RPUSD1: variants seen among roughly 807,000 people sequenced by gnomAD.
RPUSD1 encodes RNA pseudouridine synthase domain containing 1.
Under a neutral mutation model 22.4 loss-of-function variants are expected in RPUSD1, and 28 were observed. The ratio of observed to expected loss-of-function variants is 1.25; its 90% CI spans 0.93 to 1.72. The LOEUF is 1.72. Ranked by LOEUF, RPUSD1 falls within the 40% of genes most tolerant of loss-of-function variation. RPUSD1 has a pLI of 0.00. For synonymous variants in RPUSD1, 298 were observed against 201.0 expected (o/e 1.48, Z -4.08); for missense variants, 596 against 442.2 (o/e 1.35, Z -3.12).
chr16:788,175 C>A (rs982704472), intron 1 of RPUSD1, 81 bp downstream of exon 1: 3 of 421,046 alleles, frequency 7.1e-6, no homozygotes, highest in African/African-American at 2.2e-5. Flanking sequence ...TCCGCGCAGA[C>A]CCGCGCCCCG....
chr16:788,098 T>G, intron 1 of RPUSD1, 158 bp downstream of exon 1: 3 of 470,062 alleles, frequency 6.4e-6, no homozygotes, highest in East Asian at 6.2e-5. Flanking sequence ...GCTGCAGCAC[T>G]ACCAGGCCCG....
At chr16:787,221 C>T (rs756858562) in intron 3 of RPUSD1, 42 bp from the exon 4 acceptor site, 7 of 1,567,164 alleles carry the variant, frequency 4.5e-6, no homozygotes, top group Admixed American at 3.6e-5. Context: ...CGGGGCAGCC[C>T]AGTGCTGCCG....
intron 5 of RPUSD1, 76 bp downstream of exon 5, chr16:786,751 C>T (rs763153233): frequency 8.2e-7 from 1 of 1,224,526 alleles, no homozygotes; most frequent in Non-Finnish European, 1.2e-6. Context: ...CTCAGGGTGG[C>T]CCAACATAAG....
intron 5 of RPUSD1, 115 bp downstream of exon 5, chr16:786,712 G>C (rs765556910): frequency 2.8e-5 from 25 of 882,784 alleles, no homozygotes; most frequent in Non-Finnish European, 3.8e-5. Flanking sequence ...AAGAACGCAG[G>C]AGTGCTTGTT....
rs745739183 is a variant in RPUSD1, at chr16:786,949, G to A, written c.410-21C>T. On this transcript the variant is annotated intron_variant, in intron 4 of 5. Coordinates refer to ENST00000007264, the MANE Select transcript of RPUSD1 (RefSeq NM_058192.3). ...ACAACCTGGGGCGCAGAAGGCAGGT[G>A]TGAGGTTAGTGGGACTGACCCGGGG... 4.2e-5 allele frequency: 67 copies of A among 1,607,852 alleles called. No individual in the cohort carries two copies. In the Admixed American group the frequency reaches 8.0e-4, roughly 19 times the overall value.
At chr16:787,273 G>C in intron 3 of RPUSD1, 81 bp downstream of exon 3, 1 of 1,546,038 alleles carries the variant, frequency 6.5e-7, no homozygotes, top group Non-Finnish European at 8.7e-7. Context: ...GAGCGTGGTG[G>C]GAGGCTCTGA....
At chr16:787,843 G>A in intron 1 of RPUSD1, 99 bp from the exon 2 acceptor site, 1 of 1,294,222 alleles carries the variant, frequency 7.7e-7, no homozygotes. Flanking sequence ...GCTCCGGTGC[G>A]AAGCCACCGA....
rs765323432 is a variant in RPUSD1 at position 786,329 on chromosome 16, A to ACGG, written c.557_559dup (p.Pro186_Val187insAla). On this transcript the variant is annotated inframe_insertion, in exon 6 of 6. Coordinates refer to ENST00000007264, the MANE Select transcript of RPUSD1 (RefSeq NM_058192.3). ...TTCTCCGTAGGTCAGGTCGCCCACC[A>ACGG]CGGGGTGGCCCAGGGCACTGCAGTG... 6.2e-7 allele frequency: 1 copy of ACGG among 1,612,398 alleles called. No individual in the cohort carries two copies. Among genetic ancestry groups the ACGG allele is most frequent in the African/African-American group, 1.3e-5 (1 of 75,012 alleles).
chr16:786,358 G>T lies in RPUSD1; in HGVS notation c.531C>A (p.Arg177=), dbSNP rs1186185734. Residue 177 remains arginine, a synonymous_variant, in exon 6 of 6, where the codon CGC becomes CGA. Transcript: ENST00000007264. Reference sequence around the variant, plus strand: ...GGTGGCCCAGGGCACTGCAGTGCACGCGCAGCTGGTGTGTCCGGCCTGCGG... The same window carrying T: ...GGTGGCCCAGGGCACTGCAGTGCACTCGCAGCTGGTGTGTCCGGCCTGCGG... ...KPLTGRTHQL[R]VHCSALGHPV... The T allele has an allele frequency of 6.2e-7, 1 of 1,609,424 alleles. No homozygotes were observed. The highest frequency in any genetic ancestry group is 8.5e-7 in the Non-Finnish European group (1 of 1,177,790).
chr16:786,449 C>T, intron 5 of RPUSD1, 72 bp from the exon 6 acceptor site: 1 of 1,479,142 alleles, frequency 6.8e-7, no homozygotes, highest in Non-Finnish European at 9.2e-7. Flanking sequence ...TGACCAGGAC[C>T]CACCTCCCGT....
chr16:788,070 C>T (rs1281478294), intron 1 of RPUSD1, 186 bp downstream of exon 1: 4 of 488,706 alleles, frequency 8.2e-6, no homozygotes, highest in East Asian at 4.8e-5. Context: ...CTCTGCCCGA[C>T]GGTGGGGGCG....
chr16:788,200 G>A, intron 1 of RPUSD1, 56 bp downstream of exon 1: 1 of 404,366 alleles, frequency 2.5e-6, no homozygotes, highest in Non-Finnish European at 4.8e-6. Context: ...GGCCCGGTGG[G>A]CAGGCCGACC....
intron 5 of RPUSD1, 55 bp downstream of exon 5, chr16:786,772 C>T (rs781759983): frequency 6.9e-7 from 1 of 1,441,478 alleles, no homozygotes; most frequent in African/African-American, 1.4e-5. Flanking sequence ...CTTCGTGGCC[C>T]TGTGCCTCAG....
rs769187685 is a variant in RPUSD1 at position 787,163 on chromosome 16, T to G, written c.323A>C (p.Gln108Pro). ...ATGGCTGATGGTTACCCGGCTCTCCTGGATGTGCCCCCGCAGCTGCAGGAG... is the reference window on the plus strand; with the variant it reads ...ATGGCTGATGGTTACCCGGCTCTCCGGGATGTGCCCCCGCAGCTGCAGGAG... ...AYLALLRGHI[Q>P]ESRVTISHAI... is the part of the protein sequence containing the mutation. The change falls in exon 4 of 6, where the codon CAG (glutamine) becomes CCG (proline). Residue 108 changes from glutamine to proline, a missense_variant. Transcript: ENST00000007264. 6.2e-7 allele frequency: 1 copy of G among 1,605,874 alleles called. No homozygotes were observed. The highest frequency in any genetic ancestry group is 1.1e-5 in the South Asian group (1 of 90,656).
chr16:785,960 G>A lies in RPUSD1; in HGVS notation c.929C>T (p.Pro310Leu), dbSNP rs537790989. 2.6e-5 allele frequency: 38 copies of A among 1,438,706 alleles called. No individual in the cohort carries two copies. Among genetic ancestry groups the A allele is most frequent in the East Asian group, 2.5e-4 (10 of 39,932 alleles). The allele number at this position is 1,438,706 out of a possible 1,614,324, so 89.1% of individuals were successfully genotyped here. A position where few individuals can be genotyped will look rare whatever the true frequency, so the allele number is the denominator to read the frequency against. The change falls in exon 6 of 6, where the codon CCG becomes CTG. Residue 310 changes from proline (P) to leucine (L), a missense_variant. By Grantham distance (98) the Pro-to-Leu change is moderately conservative (BLOSUM62 -3). Coordinates refer to ENST00000007264, the MANE Select transcript of RPUSD1 (RefSeq NM_058192.3). ...LQWLSEWTLEPDS is the reference protein window; with the variant it reads ...LQWLSEWTLELDS ...CCAGCCCCACGGCTCTCAGCTGTCCGGTTCCAGCGTCCACTCCGACAGCCA... is the reference window on the plus strand; with the variant it reads ...CCAGCCCCACGGCTCTCAGCTGTCCAGTTCCAGCGTCCACTCCGACAGCCA...
intron 5 of RPUSD1, 119 bp downstream of exon 5, chr16:786,708 G>A (rs776905571): frequency 6.9e-6 from 6 of 867,220 alleles, no homozygotes; most frequent in East Asian, 2.4e-5. Context: ...AGTTAAGAAC[G>A]CAGGAGTGCT....
chr16:787,084 G>A lies in RPUSD1; in HGVS notation c.402C>T (p.Gly134=), dbSNP rs1040386369. Residue 134 remains glycine, a synonymous_variant, in exon 4 of 6, where the codon GGC becomes GGT. Coordinates refer to ENST00000007264, the MANE Select transcript of RPUSD1 (RefSeq NM_058192.3). ...EGRAHTMCIE[G]SQGCENPKPS... is the part of the protein sequence containing the mutation. ...GGTCCCTGCCTGCCACACCCTGCGA[G>A]CCCTCGATGCACATGGTGTGGGCCC... 2.5e-6 allele frequency: 4 copies of A among 1,605,554 alleles called. No individual in the cohort carries two copies. Among genetic ancestry groups the A allele is most frequent in the African/African-American group, 1.3e-5 (1 of 74,712 alleles).
chr16:787,312 C>T, intron 3 of RPUSD1, 42 bp downstream of exon 3: 1 of 1,556,044 alleles, frequency 6.4e-7, no homozygotes, highest in Non-Finnish European at 8.7e-7. Flanking sequence ...GGGTGGGAAT[C>T]CTGAGTCCCC....
Position 786,931 on chromosome 16 carries a change from G to T in RPUSD1, c.410-3C>A, listed in dbSNP as rs754295487. The T allele has an allele frequency of 1.2e-5, 20 of 1,612,364 alleles. No homozygotes were observed. The highest frequency in any genetic ancestry group is 1.7e-5 in the Non-Finnish European group (20 of 1,179,134). The stretch of plus-strand genomic sequence containing the variant: ...GCTTGGCTTTGGGTTCTCACAACCT[G>T]GGGCGCAGAAGGCAGGTGTGAGGTT... On this transcript the variant is annotated splice_polypyrimidine_tract_variant and splice_region_variant and intron_variant, in intron 4 of 5. Transcript: ENST00000007264.
Sources: allele counts gnomAD v4.1 joint callset, GRCh38; gene constraint gnomAD v4.1.1; transcripts MANE v1.5; gene names NCBI Gene and HGNC (gene_info 2026-07-23, HGNC 2026-07-21).